KIF16B: variants seen among roughly 807,000 people sequenced by gnomAD.
The protein encoded by KIF16B is kinesin-like protein KIF16B.
A neutral mutation model predicts 156.3 loss-of-function variants in KIF16B; 98 were observed. The ratio of observed to expected loss-of-function variants is 0.63; its 90% CI spans 0.53 to 0.74. The LOEUF (loss-of-function observed/expected upper bound fraction) is 0.74, where lower values mean the gene tolerates loss of function less well. Among genes scored for constraint, KIF16B ranks in the 30% least tolerant of loss-of-function variants. The pLI, the probability that KIF16B is intolerant of heterozygous loss-of-function variation, is 0.00. For synonymous variants in KIF16B, 564 were observed against 583.7 expected, an observed-to-expected ratio of 0.97 and a Z score of 0.49; for missense variants, 1,421 against 1,606.5, an observed-to-expected ratio of 0.88 and a Z score of 1.97.
intron 25 of KIF16B, among the ~76,000 whole-genome samples, chr20:16,277,709 A>G (rs959163424): frequency 6.6e-6 from 1 of 152,122 alleles, no homozygotes; most frequent in Non-Finnish European, 1.5e-5. Flanking sequence ...ACGCTTTATA[A>G]AAGAGCATTG....
At chr20:16,370,754 A>G in intron 21 of KIF16B, 118 bp from the exon 22 acceptor site, 1 of 707,794 alleles carries the variant, frequency 1.4e-6, no homozygotes, top group Non-Finnish European at 2.3e-6. Flanking sequence ...CTTGTCATTC[A>G]ACAATGACAA....
intron 12 of KIF16B, among the ~76,000 whole-genome samples, chr20:16,483,816 C>T (rs974204795): frequency 2.0e-5 from 3 of 152,126 alleles, no homozygotes; most frequent in African/African-American, 7.2e-5. Flanking sequence ...TATTGCTCCA[C>T]CAACCACCCC....
At chr20:16,552,798 A>G (rs959591184) in intron 1 of KIF16B, among the ~76,000 whole-genome samples, 1 of 151,854 alleles carries the variant, frequency 6.6e-6, no homozygotes, top group African/African-American at 2.4e-5. Context: ...TTCTATTTTA[A>G]TTTATTATTT....
chr20:16,399,771 G>A (rs927536032), intron 17 of KIF16B, among the ~76,000 whole-genome samples: 4 of 152,172 alleles, frequency 2.6e-5, no homozygotes, highest in Non-Finnish European at 5.9e-5. Context: ...TCAGCTGGGT[G>A]GCAAGCAGCA....
At chr20:16,551,844 C>A (rs1322275860) in intron 1 of KIF16B, among the ~76,000 whole-genome samples, 1 of 152,128 alleles carries the variant, frequency 6.6e-6, no homozygotes, top group Non-Finnish European at 1.5e-5. Flanking sequence ...AGGCCCCCCT[C>A]CCACGACAGC....
chr20:16,301,947 G>A (rs1267707188), intron 25 of KIF16B, among the ~76,000 whole-genome samples: 1 of 152,162 alleles, frequency 6.6e-6, no homozygotes, highest in Admixed American at 6.5e-5. Context: ...ACCATGCTTG[G>A]CCTCTTTTGC....
chr20:16,393,865 C>A lies in KIF16B; in HGVS notation c.1784+10948G>T, dbSNP rs368388006. Among the ~76,000 whole-genome samples, 87 of 151,814 alleles carry A rather than the reference C, an allele frequency of 5.7e-4. No homozygotes were observed. In the Middle Eastern group the frequency reaches 0.014, roughly 24 times the overall value. On this transcript the variant is annotated intron_variant, in intron 17 of 25. Transcript: ENST00000354981. ...TGTAGGATTTGGTCATGTGAAGAGC[C>A]GGTGGACAAATGGACAAGTGTTCTA...
At chr20:16,409,960 T>C (rs1568947541) in intron 15 of KIF16B, among the ~76,000 whole-genome samples, 1 of 38,780 alleles carries the variant, frequency 2.6e-5, no homozygotes, top group African/African-American at 1.2e-4. Context: ...TATATATATA[T>C]ATATATATAC....
intron 10 of KIF16B, among the ~76,000 whole-genome samples, chr20:16,503,175 C>T (rs1446667323): frequency 6.6e-6 from 1 of 152,162 alleles, no homozygotes; most frequent in Non-Finnish European, 1.5e-5. Flanking sequence ...TGCATCACTG[C>T]ACTCCAGCCT....
chr20:16,508,740 C>T (rs897193527), intron 6 of KIF16B, among the ~76,000 whole-genome samples: 23 of 152,020 alleles, frequency 1.5e-4, no homozygotes, highest in East Asian at 3.9e-4. Context: ...CTCTGACATA[C>T]GGTATTTAAA....
chr20:16,505,919 CT>C (rs2068761674), intron 8 of KIF16B, 66 bp from the exon 9 acceptor site: 1 of 1,604,208 alleles, frequency 6.2e-7, no homozygotes, highest in South Asian at 1.1e-5. Context: ...TCTACTTTTG[CT>C]TCATAAAACC....
At chr20:16,275,425 A>G (rs1178143238) in intron 25 of KIF16B, among the ~76,000 whole-genome samples, 1 of 152,002 alleles carries the variant, frequency 6.6e-6, no homozygotes, top group Non-Finnish European at 1.5e-5. Context: ...CCATTAAATC[A>G]AGATAAATAT....
chr20:16,463,004 G>A (rs1318209446), intron 12 of KIF16B, among the ~76,000 whole-genome samples: 2 of 152,146 alleles, frequency 1.3e-5, no homozygotes, highest in Non-Finnish European at 1.5e-5. Flanking sequence ...TATGCAAATG[G>A]CACATCTAGT....
intron 2 of KIF16B, among the ~76,000 whole-genome samples, chr20:16,527,953 T>C (rs374759468): frequency 2.0e-5 from 3 of 152,266 alleles, no homozygotes; most frequent in African/African-American, 4.8e-5. Context: ...TTTTGAATAA[T>C]AGTATCAGTT....
chr20:16,345,599 G>A (rs1307209741), intron 23 of KIF16B, among the ~76,000 whole-genome samples: 1 of 152,190 alleles, frequency 6.6e-6, no homozygotes, highest in African/African-American at 2.4e-5. Context: ...CATTGATTTA[G>A]AAAACATACT....
chr20:16,284,360 C>G (rs2063191066), intron 25 of KIF16B, among the ~76,000 whole-genome samples: 1 of 152,246 alleles, frequency 6.6e-6, no homozygotes, highest in Non-Finnish European at 1.5e-5. Context: ...TTCAAAACAA[C>G]TTGCAAACCC....
intron 12 of KIF16B, 31 bp downstream of exon 12, chr20:16,494,260 G>T: frequency 6.8e-6 from 9 of 1,314,010 alleles, no homozygotes; most frequent in Non-Finnish European, 8.6e-6. Flanking sequence ...ATCCACCATA[G>T]TAAGACTAAA....
intron 25 of KIF16B, among the ~76,000 whole-genome samples, chr20:16,277,078 G>GA (rs1353289626): frequency 1.3e-5 from 2 of 152,096 alleles, no homozygotes; most frequent in African/African-American, 4.8e-5. Context: ...CCAGAGATTC[G>GA]AATTGCCAGT....
intron 12 of KIF16B, among the ~76,000 whole-genome samples, chr20:16,434,732 T>C (rs1186111434): frequency 9.4e-6 from 1 of 106,502 alleles, no homozygotes; most frequent in African/African-American, 3.1e-5. Context: ...TAAGTGGCAC[T>C]TTTTTTTTCT....
Sources: gnomAD v4.1 joint callset for allele counts (sites outside exome capture counted in the v4.1 genomes callset) on GRCh38, gnomAD v4.1.1 for gene constraint, MANE v1.5 for transcripts, NCBI Gene and HGNC (gene_info 2026-07-23, HGNC 2026-07-21) for gene names.